Variants in DNAJC17 observed in about 807,000 individuals in gnomAD.
DNAJC17 encodes dnaJ homolog subfamily C member 17.
A neutral mutation model predicts 48.1 loss-of-function variants in DNAJC17; 35 were observed. That is an observed-to-expected ratio of 0.73 (90% CI 0.56 to 0.96). The LOEUF (loss-of-function observed/expected upper bound fraction) is 0.96. DNAJC17 is among the 50% of genes least tolerant of loss of function. The pLI is 0.00. For missense variants in DNAJC17, 355 were observed against 377.1 expected (o/e 0.94, Z 0.48); for synonymous variants, 117 against 142.7 (o/e 0.82, Z 1.28).
chr15:40,798,301 T>A (rs941755285), intron 1 of DNAJC17, among the ~76,000 whole-genome samples: 1 of 152,040 alleles, frequency 6.6e-6, no homozygotes, highest in Non-Finnish European at 1.5e-5. Flanking sequence ...GTCAAATTCA[T>A]ATAGAGAAAG....
chr15:40,796,900 C>G (rs1209871745), intron 1 of DNAJC17, among the ~76,000 whole-genome samples: 1 of 152,110 alleles, frequency 6.6e-6, no homozygotes, highest in Admixed American at 6.6e-5. Context: ...GCTGGGACTA[C>G]GGGCGTGCGC....
chr15:40,770,696 G>A lies in DNAJC17; in HGVS notation c.793-2634C>T. ...CAGATGGCCGGCGCCTGCCACTGTGGGGGGACGAGCAGCCCCGGGCCACCC... is the reference window on the plus strand; with the variant it reads ...CAGATGGCCGGCGCCTGCCACTGTGAGGGGACGAGCAGCCCCGGGCCACCC... On this transcript the variant is annotated intron_variant, in intron 10 of 10. Coordinates refer to ENST00000220496, the MANE Select transcript of DNAJC17 (RefSeq NM_018163.3). This position sits in a 1 kb window ranked among gnomAD's most constrained non-coding sequence, Gnocchi z 5.0. 1 of 1,548,042 alleles carries A rather than the reference G, an allele frequency of 6.5e-7. No homozygotes were observed. Among genetic ancestry groups the A allele is most frequent in the Non-Finnish European group, 8.7e-7 (1 of 1,146,940 alleles).
At chr15:40,774,172 A>G in intron 9 of DNAJC17, 184 bp downstream of exon 9, 2 of 681,110 alleles carry the variant, frequency 2.9e-6, no homozygotes, top group Non-Finnish European at 5.1e-6. Context: ...CCCCCCATCC[A>G]TCCCTTCACA....
intron 1 of DNAJC17, among the ~76,000 whole-genome samples, chr15:40,797,479 T>A (rs1321209853): frequency 6.6e-6 from 1 of 151,720 alleles, no homozygotes; most frequent in East Asian, 1.9e-4. Flanking sequence ...AATGGCACAA[T>A]CTTGGCTCAC....
chr15:40,787,638 G>A (rs946019015), intron 1 of DNAJC17, among the ~76,000 whole-genome samples: 6 of 152,124 alleles, frequency 3.9e-5, no homozygotes, highest in Non-Finnish European at 7.3e-5. Context: ...GCCCTTCCCC[G>A]GAAGCTCTAT....
intron 6 of DNAJC17, 30 bp downstream of exon 6, chr15:40,776,166 G>A (rs371807622): frequency 3.7e-6 from 6 of 1,606,416 alleles, no homozygotes; most frequent in African/African-American, 2.7e-5. Flanking sequence ...CTACCTTGGA[G>A]GGGAGATAGG....
intron 8 of DNAJC17, 53 bp downstream of exon 8, chr15:40,774,978 G>A (rs377352089): frequency 1.9e-6 from 3 of 1,583,998 alleles, no homozygotes; most frequent in African/African-American, 2.7e-5. Context: ...CTAGGGTGTG[G>A]ACTGAGACGT....
Position 40,776,524 on chromosome 15 carries a change from G to A in DNAJC17, c.381+18C>T, listed in dbSNP as rs774329211. ...CCTCCTGCAGGTGGCCTTCTGGCCA[G>A]TGTGCCTGAGTGCTCACCTCTTGCT... On this transcript the variant is annotated intron_variant, in intron 5 of 10. Transcript: ENST00000220496. 1 of 1,613,708 alleles carries A rather than the reference G, an allele frequency of 6.2e-7. No individual in the cohort carries two copies. Among genetic ancestry groups the A allele is most frequent in the Non-Finnish European group, 8.5e-7 (1 of 1,179,922 alleles).
In DNAJC17 at chr15:40,770,048, C is replaced by G. The variant is rs1889082817; in HGVS notation, c.793-1986G>C. On this transcript the variant is annotated intron_variant, in intron 10 of 10. Coordinates refer to ENST00000220496, the MANE Select transcript of DNAJC17 (RefSeq NM_018163.3). This position sits in a 1 kb window ranked among gnomAD's most constrained non-coding sequence, Gnocchi z 5.0. The stretch of plus-strand genomic sequence containing the variant: ...GCACGGCCCCACACTGCCCCAGAGA[C>G]ATATAGGAGCCAGGCAAACACCAGG... 2 of 180,622 alleles carry G rather than the reference C, an allele frequency of 1.1e-5. No homozygotes were observed. The highest frequency in any genetic ancestry group is 1.2e-5 in the Non-Finnish European group (1 of 85,262). The allele number at this position is 180,622 out of a possible 1,614,324, so 11.2% of individuals were successfully genotyped here. A position where few individuals can be genotyped will look rare whatever the true frequency, so the allele number is the denominator to read the frequency against.
rs374850349 is a variant in DNAJC17 at position 40,767,824 on chromosome 15, G to A, written c.*116C>T. On this transcript the variant is annotated 3_prime_UTR_variant, in exon 11 of 11. Transcript: ENST00000220496. ...GCCAGGCCTGGGTGGAGCGCTCTGC[G>A]GCAGAGCCCAGCACCTTATACCTAT... is the stretch of plus-strand genomic sequence containing the variant. The A allele has an allele frequency of 5.5e-6, 8 of 1,441,846 alleles. No individual in the cohort carries two copies. The highest frequency in any genetic ancestry group is 2.3e-5 in the Admixed American group (1 of 43,242). 89.3% of individuals were successfully genotyped at this position (1,441,846 alleles called of 1,614,324 possible). A position where few individuals can be genotyped will look rare whatever the true frequency, so the allele number is the denominator to read the frequency against.
In DNAJC17 at chr15:40,778,483, C is replaced by T. The variant is rs557099714; in HGVS notation, c.295+740G>A. On this transcript the variant is annotated intron_variant, in intron 4 of 10. Transcript: ENST00000220496. Reference sequence around the variant, plus strand: ...GGCCAGGCTGGTCTCGAACTCCTGACGTCGTGATCCACCCGCCTCGGCCTC... The same window carrying T: ...GGCCAGGCTGGTCTCGAACTCCTGATGTCGTGATCCACCCGCCTCGGCCTC... Among the ~76,000 whole-genome samples, 5 of 152,174 alleles carry T rather than the reference C, an allele frequency of 3.3e-5. No homozygotes were observed. The South Asian group carries it at 6.2e-4, about 19-fold the overall frequency.
intron 10 of DNAJC17, chr15:40,771,073 G>A (rs1458601913): frequency 1.3e-6 from 2 of 1,515,922 alleles, no homozygotes; most frequent in Admixed American, 4.0e-5. Context: ...CCAGAGGCTG[G>A]GGATTAAGGA....
intron 7 of DNAJC17, 173 bp from the exon 8 acceptor site, chr15:40,775,281 C>G (rs756827119): frequency 6.5e-6 from 5 of 765,912 alleles, no homozygotes; most frequent in Non-Finnish European, 1.1e-5. Context: ...GGCAGGATGG[C>G]CTGCTCACCC....
At chr15:40,774,584 G>C in intron 8 of DNAJC17, 148 bp from the exon 9 acceptor site, 1 of 838,998 alleles carries the variant, frequency 1.2e-6, no homozygotes. Context: ...TCTTAGTGAA[G>C]TGAGATCAGA....
At chr15:40,782,463 T>G (rs1333719846) in intron 1 of DNAJC17, among the ~76,000 whole-genome samples, 1 of 151,912 alleles carries the variant, frequency 6.6e-6, no homozygotes, top group Non-Finnish European at 1.5e-5. Flanking sequence ...CTTACATAAG[T>G]AAAAATAAAC....
chr15:40,765,997 A>G lies in DNAJC17; in HGVS notation c.*1943T>C, dbSNP rs984074001. 29 of 668,742 alleles carry G rather than the reference A, an allele frequency of 4.3e-5. No homozygotes were observed. Among genetic ancestry groups the G allele is most frequent in the Non-Finnish European group, 6.9e-5 (28 of 403,014 alleles). The allele number at this position is 668,742 out of a possible 1,614,324, so 41.4% of individuals were successfully genotyped here. A position where few individuals can be genotyped will look rare whatever the true frequency, so the allele number is the denominator to read the frequency against. ...CCTCTGCTCCCTTTATACAACCTCCAAGCCCAGGGACAGGGCCCAGCATCA... is the reference window on the plus strand; with the variant it reads ...CCTCTGCTCCCTTTATACAACCTCCGAGCCCAGGGACAGGGCCCAGCATCA... On this transcript the variant is annotated 3_prime_UTR_variant, in exon 11 of 11. Coordinates refer to ENST00000220496, the MANE Select transcript of DNAJC17 (RefSeq NM_018163.3).
chr15:40,776,727 G>C (rs1343711531), intron 4 of DNAJC17, 100 bp from the exon 5 acceptor site: 1 of 1,176,590 alleles, frequency 8.5e-7, no homozygotes, highest in Non-Finnish European at 1.3e-6. Flanking sequence ...TCTCAATCAC[G>C]ACGAGATCAT....
chr15:40,793,854 G>C (rs1889875960), intron 1 of DNAJC17, among the ~76,000 whole-genome samples: 1 of 152,060 alleles, frequency 6.6e-6, no homozygotes, highest in Non-Finnish European at 1.5e-5. Context: ...CCAAGGTACA[G>C]AGCGGTTAAA....
At chr15:40,773,236 C>A (rs183472660) in intron 10 of DNAJC17, among the ~76,000 whole-genome samples, 2 of 152,100 alleles carry the variant, frequency 1.3e-5, no homozygotes, top group Non-Finnish European at 2.9e-5. Context: ...CTGGGATTAA[C>A]GGCATGAGCC....
Sources: allele counts gnomAD v4.1 joint callset (sites outside exome capture counted in the v4.1 genomes callset), GRCh38; gene constraint gnomAD v4.1.1; non-coding constraint Gnocchi (gnomAD v3.1); transcripts MANE v1.5; gene names NCBI Gene and HGNC (gene_info 2026-07-23, HGNC 2026-07-21).